Variants in DCC observed in about 807,000 individuals in gnomAD.
The protein encoded by DCC is netrin receptor DCC.
DCC carries 58 observed loss-of-function variants against 172.5 expected under a neutral mutation model. The observed-to-expected ratio is 0.34, with a 90% CI of 0.27 to 0.42. The LOEUF (loss-of-function observed/expected upper bound fraction) is 0.42. DCC is among the 10% of genes least tolerant of loss of function. The probability of loss-of-function intolerance (pLI) is 1.00; values close to 1 mark genes in which losing one functional copy is unlikely to be tolerated. For synonymous variants in DCC, 709 were observed against 644.5 expected (o/e 1.10, Z -1.52); for missense variants, 1,740 against 1,791.0 (o/e 0.97, Z 0.51).
chr18:52,757,052 T>C (rs1182300281), intron 2 of DCC: 1 of 152,224 alleles, frequency 6.6e-6, no homozygotes, highest in Non-Finnish European at 1.5e-5. Context: ...GAACACAAAC[T>C]GGCAAGCCTG....
intron 12 of DCC, among the ~76,000 whole-genome samples, chr18:53,277,452 A>G (rs1479272305): frequency 6.6e-6 from 1 of 152,168 alleles, no homozygotes; most frequent in Non-Finnish European, 1.5e-5. Flanking sequence ...TTTCAATGTT[A>G]CTACTGCTTC....
chr18:52,853,118 C>T (rs180817662), intron 2 of DCC, among the ~76,000 whole-genome samples: 4 of 152,152 alleles, frequency 2.6e-5, no homozygotes, highest in East Asian at 3.9e-4. Flanking sequence ...GGTGGGACAA[C>T]GAGACACAGT....
intron 15 of DCC, among the ~76,000 whole-genome samples, chr18:53,385,609 A>G (rs1908104599): frequency 6.6e-6 from 1 of 152,160 alleles, no homozygotes; most frequent in Non-Finnish European, 1.5e-5. Context: ...TCTGGAACTG[A>G]TCTGCTGTGC....
At chr18:52,925,780 T>C (rs1196875895) in intron 5 of DCC, among the ~76,000 whole-genome samples, 1 of 151,894 alleles carries the variant, frequency 6.6e-6, no homozygotes, top group East Asian at 1.9e-4. Context: ...AAATTCAGTA[T>C]GTTGGTAAGA....
intron 2 of DCC, among the ~76,000 whole-genome samples, chr18:52,817,079 A>G (rs1342968005): frequency 3.3e-5 from 5 of 152,166 alleles, no homozygotes; most frequent in Admixed American, 2.6e-4. Flanking sequence ...ATTGACCATT[A>G]TATCCCTTGA....
chr18:52,885,991 G>A (rs902367491), intron 2 of DCC, among the ~76,000 whole-genome samples: 1 of 151,718 alleles, frequency 6.6e-6, no homozygotes, highest in Non-Finnish European at 1.5e-5. Flanking sequence ...ACTCTGCCCA[G>A]TGCCCTTTTC....
intron 22 of DCC, among the ~76,000 whole-genome samples, chr18:53,443,745 T>C (rs1245813034): frequency 6.6e-6 from 1 of 152,202 alleles, no homozygotes; most frequent in African/African-American, 2.4e-5. Context: ...TGGGAAAAAG[T>C]CAAAATATTA....
At chr18:52,489,149 A>G (rs1384890650) in intron 1 of DCC, among the ~76,000 whole-genome samples, 3 of 152,076 alleles carry the variant, frequency 2.0e-5, no homozygotes, top group African/African-American at 7.2e-5. Flanking sequence ...GCAAATTCTG[A>G]TTCAGTAAGT....
At chr18:53,077,325 T>A (rs573417648) in intron 7 of DCC, among the ~76,000 whole-genome samples, 11 of 152,268 alleles carry the variant, frequency 7.2e-5, no homozygotes, top group East Asian at 3.9e-4. Context: ...TTTGGGGCTA[T>A]CCCTCACTGA....
At chr18:52,392,708 G>T (rs527520673) in intron 1 of DCC, among the ~76,000 whole-genome samples, 3 of 152,142 alleles carry the variant, frequency 2.0e-5, no homozygotes, top group South Asian at 2.1e-4. Context: ...CTTATGGGTG[G>T]TACATTATTT....
At chr18:52,710,143 T>TTATTGC (rs1442098309) in intron 1 of DCC, among the ~76,000 whole-genome samples, 22 of 152,246 alleles carry the variant, frequency 1.4e-4, no homozygotes, top group Admixed American at 1.4e-3. Context: ...ACAAAGATGC[T>TTATTGC]TATTGCAGCT....
At chr18:53,131,671 C>G (rs73957098) in intron 7 of DCC, among the ~76,000 whole-genome samples, 3 of 151,928 alleles carry the variant, frequency 2.0e-5, no homozygotes, top group Admixed American at 1.3e-4. Context: ...TATGAGCACA[C>G]TCATGATTTC....
chr18:52,491,928 G>A (rs1250226714), intron 1 of DCC, among the ~76,000 whole-genome samples: 2 of 151,930 alleles, frequency 1.3e-5, no homozygotes, highest in African/African-American at 4.8e-5. Context: ...TCTTCTAGGG[G>A]TGGTGTGACA....
At chr18:53,478,858 G>C (rs967199999) in intron 25 of DCC, among the ~76,000 whole-genome samples, 3 of 152,228 alleles carry the variant, frequency 2.0e-5, no homozygotes, top group African/African-American at 7.2e-5. Flanking sequence ...TCTAGGTGCT[G>C]TCCTACCAGG....
intron 22 of DCC, among the ~76,000 whole-genome samples, chr18:53,449,491 T>G (rs1028540646): frequency 1.3e-5 from 2 of 152,208 alleles, no homozygotes; most frequent in Non-Finnish European, 2.9e-5. Context: ...CGGTGGCTGC[T>G]TTTAGGTGGG....
intron 22 of DCC, among the ~76,000 whole-genome samples, chr18:53,438,156 T>C (rs375693047): frequency 2.9e-4 from 44 of 152,202 alleles, no homozygotes; most frequent in African/African-American, 1.0e-3. Flanking sequence ...GATTTTCACA[T>C]TGAAATTCAT....
intron 1 of DCC, among the ~76,000 whole-genome samples, chr18:52,571,616 G>T (rs1001811849): frequency 2.6e-5 from 4 of 152,120 alleles, no homozygotes; most frequent in Non-Finnish European, 2.9e-5. Context: ...TGAGCCTCTT[G>T]TTCCCATCAG....
At chr18:53,493,170 A>G (rs2045978519) in intron 26 of DCC, among the ~76,000 whole-genome samples, 1 of 152,164 alleles carries the variant, frequency 6.6e-6, no homozygotes, top group Admixed American at 6.5e-5. Context: ...TTGCACACTG[A>G]TTTTGTATCC....
intron 2 of DCC, among the ~76,000 whole-genome samples, chr18:52,853,298 G>A (rs1353208310): frequency 6.6e-6 from 1 of 152,178 alleles, no homozygotes; most frequent in Non-Finnish European, 1.5e-5. Flanking sequence ...AAATGAAGAA[G>A]TGAATAACCA....
Sources: gnomAD v4.1 joint callset for allele counts (sites outside exome capture counted in the v4.1 genomes callset) on GRCh38, gnomAD v4.1.1 for gene constraint, MANE v1.5 for transcripts, NCBI Gene and HGNC (gene_info 2026-07-23, HGNC 2026-07-21) for gene names.